IQCE: variants seen among roughly 807,000 people sequenced by gnomAD.
IQCE encodes the protein IQ motif containing E.
Under a neutral mutation model 96.0 loss-of-function variants are expected in IQCE, and 115 were observed. The observed-to-expected ratio is 1.20, with a 90% CI of 1.03 to 1.40. The LOEUF is 1.40. Ranked by LOEUF, IQCE falls within the 40% of genes most tolerant of loss-of-function variation. The probability of loss-of-function intolerance (pLI) is 0.00; values close to 1 mark genes in which losing one functional copy is unlikely to be tolerated. For synonymous variants in IQCE, 412 were observed against 371.2 expected (o/e 1.11, Z -1.26); for missense variants, 1,041 against 909.1 (o/e 1.15, Z -1.87).
At chr7:2,603,989 C>CTCT in intron 18 of IQCE, among the ~76,000 whole-genome samples, 1 of 125,920 alleles carries the variant, frequency 7.9e-6, no homozygotes, top group Non-Finnish European at 1.7e-5. Flanking sequence ...GCTTCCCTGT[C>CTCT]TTTTTTTTTT....
intron 6 of IQCE, among the ~76,000 whole-genome samples, 184 bp from the exon 7 acceptor site, chr7:2,578,058 C>G (rs567334017): frequency 4.2e-5 from 6 of 142,662 alleles, no homozygotes; most frequent in African/African-American, 1.6e-4. Context: ...TTGGCGTGTG[C>G]GTGGCTGTGT....
intron 12 of IQCE, 126 bp downstream of exon 12, chr7:2,586,497 C>T (rs368380827): frequency 6.8e-6 from 7 of 1,026,230 alleles, no homozygotes; most frequent in East Asian, 2.6e-5. Context: ...TTGGGCAACG[C>T]CAGTTCCCAC....
chr7:2,589,734 C>T (rs1325132508), intron 13 of IQCE, among the ~76,000 whole-genome samples, 173 bp from the exon 14 acceptor site: 1 of 152,210 alleles, frequency 6.6e-6, no homozygotes. Context: ...GGATCATGCT[C>T]TTCCAGTAGC....
At chr7:2,607,900 A>G (rs989904383) in intron 21 of IQCE, among the ~76,000 whole-genome samples, 1 of 152,218 alleles carries the variant, frequency 6.6e-6, no homozygotes, top group African/African-American at 2.4e-5. Context: ...GAGATGGAGA[A>G]GGGCAGCCTT....
At chr7:2,578,206 G>GT in intron 6 of IQCE, 36 bp from the exon 7 acceptor site, 1 of 1,510,064 alleles carries the variant, frequency 6.6e-7, no homozygotes, top group Non-Finnish European at 9.2e-7. Context: ...GCGCAGCTTC[G>GT]TGTGGATGGC....
In IQCE at chr7:2,584,766, G is replaced by A. The variant is rs182742927; in HGVS notation, c.824+481G>A. ...GATCTCTGATCATGGCTTTGGCCACGTCACTGGCCTCTGCAGCAGTTTGCT... is the reference window on the plus strand; with the variant it reads ...GATCTCTGATCATGGCTTTGGCCACATCACTGGCCTCTGCAGCAGTTTGCT... On this transcript the variant is annotated intron_variant, in intron 11 of 21. Coordinates refer to ENST00000402050, the MANE Select transcript of IQCE (RefSeq NM_152558.5). 1.9e-3 allele frequency: 304 copies of A among 161,578 alleles called. 6 individuals are homozygous for A. In the South Asian group the frequency reaches 0.03, roughly 16 times the overall value. The allele number at this position is 161,578 out of a possible 1,614,324, so 10.0% of individuals were successfully genotyped here.
intron 1 of IQCE, among the ~76,000 whole-genome samples, chr7:2,560,915 C>G (rs1331148471): frequency 2.0e-5 from 3 of 148,050 alleles, no homozygotes; most frequent in Non-Finnish European, 4.5e-5. Context: ...CAAGATCGTG[C>G]CACTGCACTC....
At chr7:2,590,481 C>T (rs1783503171) in intron 14 of IQCE, among the ~76,000 whole-genome samples, 1 of 152,218 alleles carries the variant, frequency 6.6e-6, no homozygotes, top group Non-Finnish European at 1.5e-5. Context: ...TAAAAAGATA[C>T]TGGCCGGGCA....
Position 2,567,098 on chromosome 7 carries a change from T to C in IQCE, c.37-18T>C, listed in dbSNP as rs1476473761. On this transcript the variant is annotated intron_variant, in intron 1 of 21. Transcript: ENST00000402050. The stretch of plus-strand genomic sequence containing the variant: ...AGCAGGTGCCGTCGAGTTACAGTGT[T>C]TGCCTCTCTTCCTCCAGGGAGATGA... 6.2e-7 allele frequency: 1 copy of C among 1,612,772 alleles called. No individual in the cohort carries two copies. The highest frequency in any genetic ancestry group is 1.7e-5 in the Admixed American group (1 of 60,010).
chr7:2,606,902 G>T (rs927705508), intron 20 of IQCE, among the ~76,000 whole-genome samples: 1 of 152,170 alleles, frequency 6.6e-6, no homozygotes, highest in Non-Finnish European at 1.5e-5. Flanking sequence ...CATGGTCCCC[G>T]AGGAGATGGA....
Position 2,559,019 on chromosome 7 carries a change from T to A in IQCE, c.-163T>A, listed in dbSNP as rs1388096346. The A allele has an allele frequency of 2.7e-6, 1 of 365,690 alleles. No homozygotes were observed. The highest frequency in any genetic ancestry group is 4.7e-6 in the Non-Finnish European group (1 of 212,154). The allele number at this position is 365,690 out of a possible 1,614,324, so 22.7% of individuals were successfully genotyped here. ...CGCCCCAGGGGGAACGCAGGTCGCT[T>A]ACCCGGCTGGGTAGGTCGGCGGCCT... On this transcript the variant is annotated 5_prime_UTR_variant, in exon 1 of 22. Transcript: ENST00000402050.
At chr7:2,584,857 T>G (rs555518964) in intron 11 of IQCE, among the ~76,000 whole-genome samples, 4 of 152,358 alleles carry the variant, frequency 2.6e-5, no homozygotes, top group African/African-American at 9.6e-5. Context: ...AAACTTTTTC[T>G]GTAAAGGACC....
At position 2,598,166 on chromosome 7, in the gene IQCE, C is replaced by T. The variant is rs926398966; in HGVS notation, c.1441-299C>T. 1.5e-4 allele frequency: 46 copies of T among 299,926 alleles called. 1 individual carries two copies. Among genetic ancestry groups the T allele is most frequent in the Admixed American group, 3.6e-4 (7 of 19,710 alleles). The allele number at this position is 299,926 out of a possible 1,614,324, so 18.6% of individuals were successfully genotyped here. A position where few individuals can be genotyped will look rare whatever the true frequency, so the allele number is the denominator to read the frequency against. On this transcript the variant is annotated intron_variant, in intron 16 of 21. Transcript: ENST00000402050. Reference sequence around the variant, plus strand: ...GTGACTGAGTGTAGTGAGTGTGTGACGGCCGTGTGAAGAAGCGTCCTCTCT... The same window carrying T: ...GTGACTGAGTGTAGTGAGTGTGTGATGGCCGTGTGAAGAAGCGTCCTCTCT...
intron 6 of IQCE, among the ~76,000 whole-genome samples, chr7:2,577,532 C>T (rs1461114446): frequency 7.8e-5 from 6 of 77,042 alleles, no homozygotes; most frequent in African/African-American, 1.7e-4. Context: ...GTGCGGCGTG[C>T]CCGCATTGGC....
chr7:2,567,746 T>G (rs900090323), intron 2 of IQCE, among the ~76,000 whole-genome samples: 1 of 152,240 alleles, frequency 6.6e-6, no homozygotes, highest in Non-Finnish European at 1.5e-5. Context: ...CTAGCAAACC[T>G]GCAGCCAGCA....
rs540945566 is a variant in IQCE at position 2,593,188 on chromosome 7, C to T, written c.1349+62C>T. The T allele has an allele frequency of 4.0e-5, 62 of 1,530,950 alleles. No individual in the cohort carries two copies. In the East Asian group the frequency reaches 1.1e-3, roughly 28 times the overall value. The allele number at this position is 1,530,950 out of a possible 1,614,324, so 94.8% of individuals were successfully genotyped here. A position where few individuals can be genotyped will look rare whatever the true frequency, so the allele number is the denominator to read the frequency against. On this transcript the variant is annotated intron_variant, in intron 15 of 21. Coordinates refer to ENST00000402050, the MANE Select transcript of IQCE (RefSeq NM_152558.5). ...CGAGTCCGCACTCCTGCTACCACTG[C>T]GGCCCCCCGTGGCGTCTCAGCCTTG...
At chr7:2,567,960 G>A (rs566647629) in intron 2 of IQCE, among the ~76,000 whole-genome samples, 34 of 152,296 alleles carry the variant, frequency 2.2e-4, no homozygotes, top group East Asian at 3.9e-4. Flanking sequence ...AATTCCCCCC[G>A]CGCAGAACTT....
intron 15 of IQCE, among the ~76,000 whole-genome samples, chr7:2,593,529 A>G (rs899330643): frequency 6.6e-6 from 1 of 152,264 alleles, no homozygotes; most frequent in Non-Finnish European, 1.5e-5. Context: ...CTGGTGGACA[A>G]ACACCCTGAG....
intron 21 of IQCE, among the ~76,000 whole-genome samples, chr7:2,609,088 T>A (rs999685334): frequency 2.0e-5 from 3 of 152,228 alleles, no homozygotes; most frequent in African/African-American, 7.2e-5. Context: ...CTGGGGCTGC[T>A]GCTGTGGTAG....
Sources: gnomAD v4.1 joint callset for allele counts (sites outside exome capture counted in the v4.1 genomes callset) on GRCh38, gnomAD v4.1.1 for gene constraint, MANE v1.5 for transcripts, NCBI Gene and HGNC (gene_info 2026-07-23, HGNC 2026-07-21) for gene names.